The following SLF1 variants were observed in gnomAD, a reference collection of about 807,000 sequenced individuals.
SLF1 encodes SMC5-SMC6 complex localization factor protein 1.
Under a neutral mutation model 123.0 loss-of-function variants are expected in SLF1, and 105 were observed. The observed-to-expected ratio is 0.85, with a 90% CI of 0.73 to 1.00. The LOEUF (loss-of-function observed/expected upper bound fraction) is 1.00. Among genes scored for constraint, SLF1 ranks in the 50% least tolerant of loss-of-function variants. SLF1 has a pLI of 0.00. For synonymous variants in SLF1, 434 were observed against 406.6 expected (o/e 1.07, Z -0.81); for missense variants, 1,239 against 1,223.0 (o/e 1.01, Z -0.20).
At chr5:94,677,538 G>A (rs543793035) in intron 14 of SLF1, among the ~76,000 whole-genome samples, 1 of 152,162 alleles carries the variant, frequency 6.6e-6, no homozygotes, top group Admixed American at 6.5e-5. Context: ...GGATTAATTA[G>A]AAAGAAATTA....
chr5:94,681,779 A>G (rs539358732), intron 15 of SLF1, among the ~76,000 whole-genome samples: 2 of 152,014 alleles, frequency 1.3e-5, no homozygotes, highest in Non-Finnish European at 2.9e-5. Flanking sequence ...TAGTTTACTG[A>G]GAATGATGAT....
intron 12 of SLF1, among the ~76,000 whole-genome samples, chr5:94,669,199 C>T (rs1348128357): frequency 6.6e-6 from 1 of 152,004 alleles, no homozygotes; most frequent in African/African-American, 2.4e-5. Context: ...CATAGAGAAA[C>T]GTAAGTTCTC....
intron 15 of SLF1, among the ~76,000 whole-genome samples, chr5:94,684,614 T>C (rs552087653): frequency 4.2e-5 from 6 of 141,410 alleles, no homozygotes; most frequent in African/African-American, 1.1e-4. Flanking sequence ...AGGAGAATGG[T>C]GTGAACCCGG....
At chr5:94,660,851 C>T (rs539116153) in intron 9 of SLF1, among the ~76,000 whole-genome samples, 4 of 152,332 alleles carry the variant, frequency 2.6e-5, no homozygotes, top group African/African-American at 9.6e-5. Context: ...TGAGGAGCTC[C>T]TGCTTTGGCT....
chr5:94,678,812 TC>T lies in SLF1; in HGVS notation c.1833del (p.Phe611LeufsTer5). ...HKEKFKSNDV[F>X]KHELAYLLAG... Reference sequence around the variant, plus strand: ...TTTTTTGTATCTTAATGTTAGGTCTTCAAACATGAACTAGCTTACTTATTGG... The same window carrying T: ...TTTTTTGTATCTTAATGTTAGGTCTTAAACATGAACTAGCTTACTTATTGG... On this transcript the variant is annotated frameshift_variant, in exon 15 of 21. Coordinates refer to ENST00000265140, the MANE Select transcript of SLF1 (RefSeq NM_032290.4). LOFTEE classifies it high-confidence loss of function. 1 of 1,611,644 alleles carries T rather than the reference TC, an allele frequency of 6.2e-7. No homozygotes were observed. The highest frequency in any genetic ancestry group is 1.7e-5 in the Admixed American group (1 of 59,946).
At chr5:94,635,691 C>T (rs1714067670) in intron 4 of SLF1, among the ~76,000 whole-genome samples, 1 of 151,974 alleles carries the variant, frequency 6.6e-6, no homozygotes, top group Admixed American at 6.6e-5. Flanking sequence ...TATAATAACT[C>T]TACACATTTA....
At chr5:94,684,592 G>A (rs951570467) in intron 15 of SLF1, among the ~76,000 whole-genome samples, 2 of 151,452 alleles carry the variant, frequency 1.3e-5, no homozygotes, top group South Asian at 4.2e-4. Flanking sequence ...CAGCTACTCG[G>A]GAGCCTGAGC....
At chr5:94,635,620 C>T (rs1223934352) in intron 4 of SLF1, among the ~76,000 whole-genome samples, 1 of 151,422 alleles carries the variant, frequency 6.6e-6, no homozygotes, top group African/African-American at 2.4e-5. Context: ...TTTGTGGTTA[C>T]CATGTAGTTA....
intron 5 of SLF1, among the ~76,000 whole-genome samples, chr5:94,644,464 T>C (rs1561435398): frequency 6.6e-6 from 1 of 152,184 alleles, no homozygotes; most frequent in Non-Finnish European, 1.5e-5. Flanking sequence ...AGGATTCCTG[T>C]CATTTCTGTC....
At chr5:94,622,950 A>C (rs1035704452) in intron 1 of SLF1, among the ~76,000 whole-genome samples, 4 of 152,024 alleles carry the variant, frequency 2.6e-5, no homozygotes, top group Non-Finnish European at 5.9e-5. Flanking sequence ...GCTTTTTCCC[A>C]AGGGTTGTAC....
At position 94,695,156 on chromosome 5, in the gene SLF1, A is replaced by C. The variant is rs754296019; in HGVS notation, c.3021A>C (p.Leu1007Phe). The part of the protein sequence containing the change: ...KETTSVHTDW[L>F]LDLYAGNIKT... ...CCACCAGTGTTCATACTGACTGGTT[A>C]CTGGATCTTTATGCTGGAAATATAA... The change falls in exon 21 of 21, where the codon TTA (leucine) becomes TTC (phenylalanine). Residue 1007 changes from leucine to phenylalanine, a missense_variant. Leu to Phe is a conservative substitution (Grantham distance 22). Transcript: ENST00000265140. 13 of 1,612,760 alleles carry C rather than the reference A, an allele frequency of 8.1e-6. No individual in the cohort carries two copies. The highest frequency in any genetic ancestry group is 1.1e-5 in the Non-Finnish European group (13 of 1,179,172).
chr5:94,663,610 A>G (rs1749392236), intron 10 of SLF1, 140 bp from the exon 11 acceptor site: 8 of 758,300 alleles, frequency 1.1e-5, no homozygotes, highest in Middle Eastern at 8.1e-4. Flanking sequence ...GCACCACTGC[A>G]TTCCAGCCTG....
At chr5:94,643,137 G>A (rs1746634914) in intron 4 of SLF1, 136 bp from the exon 5 acceptor site, 1 of 574,018 alleles carries the variant, frequency 1.7e-6, no homozygotes. Context: ...TGTTCTCTGT[G>A]ATCCTCAATT....
chr5:94,621,135 T>A (rs957087467), intron 1 of SLF1, among the ~76,000 whole-genome samples: 1 of 152,244 alleles, frequency 6.6e-6, no homozygotes, highest in Non-Finnish European at 1.5e-5. Flanking sequence ...TGTACTGTTC[T>A]TTCACTTAAT....
chr5:94,656,481 G>A (rs1162393522), intron 9 of SLF1, among the ~76,000 whole-genome samples: 1 of 151,940 alleles, frequency 6.6e-6, no homozygotes, highest in African/African-American at 2.4e-5. Flanking sequence ...TCTGGTTTTG[G>A]TATCAGGGTA....
Position 94,645,860 on chromosome 5 carries a change from A to G in SLF1, c.594+2425A>G, listed in dbSNP as rs142259001. On this transcript the variant is annotated intron_variant, in intron 5 of 20. Coordinates refer to ENST00000265140, the MANE Select transcript of SLF1 (RefSeq NM_032290.4). ...GAAGAGACATTAGAAAGTTAACTGT[A>G]TTTCAGTGTCTTGCTTTTCTTCAGT... is the stretch of plus-strand genomic sequence containing the variant. Among the ~76,000 whole-genome samples, 5 of 152,298 alleles carry G rather than the reference A, an allele frequency of 3.3e-5. No homozygotes were observed. The East Asian group carries it at 9.6e-4, about 29-fold the overall frequency.
intron 16 of SLF1, among the ~76,000 whole-genome samples, chr5:94,688,302 G>GT (rs1005655460): frequency 4.3e-4 from 65 of 152,182 alleles, no homozygotes; most frequent in African/African-American, 1.4e-3. Context: ...TTAAGAAGGT[G>GT]TTTTTCTGGT....
intron 15 of SLF1, among the ~76,000 whole-genome samples, chr5:94,682,782 A>G (rs1285472533): frequency 6.6e-6 from 1 of 152,180 alleles, no homozygotes; most frequent in African/African-American, 2.4e-5. Flanking sequence ...ATTATCTGAA[A>G]TTTCTTTTTT....
Position 94,688,521 on chromosome 5 carries a change from C to T in SLF1, c.2137C>T (p.Pro713Ser). ...SLQKMVYSYL[P>S]ALGKTGVLGS... is the part of the protein sequence containing the mutation. ...TTTTCAACAGGTATATTCCTATTTACCAGCCTTGGGGAAAACTGGTGTGCT... is the reference window on the plus strand; with the variant it reads ...TTTTCAACAGGTATATTCCTATTTATCAGCCTTGGGGAAAACTGGTGTGCT... The change falls in exon 17 of 21, where the codon CCA becomes TCA. Residue 713 changes from proline to serine, a missense_variant. Physicochemically the swap from Pro to Ser is moderately conservative, Grantham distance 74 (BLOSUM62 -1). Coordinates refer to ENST00000265140, the MANE Select transcript of SLF1 (RefSeq NM_032290.4). 1 of 1,613,888 alleles carries T rather than the reference C, an allele frequency of 6.2e-7. No individual in the cohort carries two copies.
Sources: gnomAD v4.1 joint callset for allele counts (sites outside exome capture counted in the v4.1 genomes callset) on GRCh38, gnomAD v4.1.1 for gene constraint, MANE v1.5 for transcripts, NCBI Gene and HGNC (gene_info 2026-07-23, HGNC 2026-07-21) for gene names.